SSH2: variants seen among roughly 807,000 people sequenced by gnomAD.
SSH2 encodes slingshot protein phosphatase 2, also known as protein phosphatase Slingshot homolog 2.
In SSH2, 37 loss-of-function variants were observed where a neutral mutation model predicts 135.2. The ratio of observed to expected loss-of-function variants is 0.27; its 90% CI spans 0.21 to 0.36. The LOEUF (loss-of-function observed/expected upper bound fraction) is 0.36, where lower values mean the gene tolerates loss of function less well. Among genes scored for constraint, SSH2 ranks in the 10% least tolerant of loss-of-function variants. The pLI, the probability that SSH2 is intolerant of heterozygous loss-of-function variation, is 1.00. For synonymous variants in SSH2, 628 were observed against 646.2 expected, an observed-to-expected ratio of 0.97 and a Z score of 0.43; for missense variants, 1,408 against 1,765.3, an observed-to-expected ratio of 0.80 and a Z score of 3.63.
chr17:29,887,408 A>G (rs145543039), intron 1 of SSH2, among the ~76,000 whole-genome samples: 1 of 152,340 alleles, frequency 6.6e-6, no homozygotes, highest in East Asian at 1.9e-4. Flanking sequence ...TCCTAGACCC[A>G]TCAAAAATGA....
intron 1 of SSH2, among the ~76,000 whole-genome samples, chr17:29,917,324 G>GT (rs954745552): frequency 2.1e-4 from 32 of 152,096 alleles, no homozygotes; most frequent in African/African-American, 7.7e-4. Context: ...TTCCAATTTA[G>GT]TTTTTTCCAA....
intron 1 of SSH2, among the ~76,000 whole-genome samples, chr17:29,886,834 G>A (rs1269778143): frequency 6.6e-6 from 1 of 151,926 alleles, no homozygotes; most frequent in African/African-American, 2.4e-5. Context: ...ATTCAAGCCT[G>A]CTGAAGAAGT....
intron 1 of SSH2, among the ~76,000 whole-genome samples, chr17:29,926,212 C>G (rs2067061632): frequency 6.6e-6 from 1 of 152,132 alleles, no homozygotes; most frequent in South Asian, 2.1e-4. Flanking sequence ...CTCTCTTTCT[C>G]AAAGCCCTCT....
At chr17:29,723,233 A>G (rs1046731648) in intron 3 of SSH2, among the ~76,000 whole-genome samples, 1 of 152,216 alleles carries the variant, frequency 6.6e-6, no homozygotes, top group African/African-American at 2.4e-5. Flanking sequence ...CCAATTCCAA[A>G]TAAAAAAAAG....
intron 9 of SSH2, among the ~76,000 whole-genome samples, chr17:29,671,362 A>C (rs910528926): frequency 3.9e-5 from 6 of 152,090 alleles, no homozygotes; most frequent in African/African-American, 9.7e-5. Flanking sequence ...ACATGCCTGT[A>C]GTCCCAGGTA....
chr17:29,764,514 T>C (rs1483590150), intron 3 of SSH2, among the ~76,000 whole-genome samples: 1 of 152,208 alleles, frequency 6.6e-6, no homozygotes, highest in Non-Finnish European at 1.5e-5. Flanking sequence ...TCAAATTAGA[T>C]TGAGCAGCAT....
intron 3 of SSH2, among the ~76,000 whole-genome samples, chr17:29,770,743 G>C (rs1292796068): frequency 6.6e-6 from 1 of 152,148 alleles, no homozygotes; most frequent in Non-Finnish European, 1.5e-5. Flanking sequence ...AAAGTGCTGG[G>C]ATGACAGGTG....
At chr17:29,813,732 C>A (rs1190922834) in intron 2 of SSH2, among the ~76,000 whole-genome samples, 2 of 150,196 alleles carry the variant, frequency 1.3e-5, no homozygotes, top group Non-Finnish European at 3.0e-5. Flanking sequence ...GCAGGAGAAT[C>A]GCTTGAACCC....
intron 2 of SSH2, among the ~76,000 whole-genome samples, chr17:29,796,787 T>A (rs2042163430): frequency 6.6e-6 from 1 of 152,096 alleles, no homozygotes; most frequent in Non-Finnish European, 1.5e-5. Flanking sequence ...AATTCAGTAT[T>A]TCTTTATAGT....
intron 3 of SSH2, among the ~76,000 whole-genome samples, chr17:29,706,719 C>T (rs905911762): frequency 1.3e-5 from 2 of 152,230 alleles, no homozygotes; most frequent in African/African-American, 2.4e-5. Context: ...CAGCTTTGGA[C>T]ACTGTGGGTT....
At chr17:29,829,326 T>C (rs1299641304) in intron 2 of SSH2, among the ~76,000 whole-genome samples, 2 of 152,172 alleles carry the variant, frequency 1.3e-5, no homozygotes, top group Non-Finnish European at 2.9e-5. Context: ...TTAACTAGGG[T>C]CATATACATT....
intron 3 of SSH2, among the ~76,000 whole-genome samples, chr17:29,753,860 AT>A (rs998105930): frequency 1.3e-5 from 2 of 152,024 alleles, no homozygotes; most frequent in African/African-American, 4.8e-5. Context: ...TATGTATCAA[AT>A]TTTTAACATA....
chr17:29,857,462 G>C (rs978779598), intron 1 of SSH2, among the ~76,000 whole-genome samples: 1 of 152,054 alleles, frequency 6.6e-6, no homozygotes, highest in Non-Finnish European at 1.5e-5. Flanking sequence ...GATGAGATTT[G>C]GGTGGGGACA....
intron 1 of SSH2, among the ~76,000 whole-genome samples, chr17:29,927,092 A>G (rs1349929243): frequency 6.6e-6 from 1 of 152,218 alleles, no homozygotes; most frequent in Non-Finnish European, 1.5e-5. Flanking sequence ...TGTAAAGTAA[A>G]TGAATTAATT....
chr17:29,647,396 C>T (rs983493430), intron 14 of SSH2, among the ~76,000 whole-genome samples: 3 of 151,274 alleles, frequency 2.0e-5, no homozygotes, highest in Admixed American at 6.6e-5. Context: ...AATGAATGGG[C>T]CAAAAAATTT....
intron 1 of SSH2, among the ~76,000 whole-genome samples, chr17:29,861,093 C>CT (rs2065757309): frequency 6.6e-6 from 1 of 151,708 alleles, no homozygotes. Context: ...TCTTGTATAT[C>CT]TGTTTAAGTT....
At chr17:29,736,916 G>A (rs1036058929) in intron 3 of SSH2, among the ~76,000 whole-genome samples, 7 of 149,904 alleles carry the variant, frequency 4.7e-5, no homozygotes, top group Non-Finnish European at 5.9e-5. Context: ...TGGCTAACAC[G>A]GTGAAACCCT....
At chr17:29,863,891 T>A (rs181814968) in intron 1 of SSH2, 1 of 152,316 alleles carries the variant, frequency 6.6e-6, no homozygotes, top group African/African-American at 2.4e-5. Context: ...GGATAAAATT[T>A]ATCACCCTTA....
chr17:29,861,190 T>C (rs1415451726), intron 1 of SSH2, among the ~76,000 whole-genome samples: 2 of 152,222 alleles, frequency 1.3e-5, no homozygotes, highest in African/African-American at 2.4e-5. Context: ...GTTCACTCTG[T>C]TGATAGTTTC....
Sources: gnomAD v4.1 joint callset for allele counts (sites outside exome capture counted in the v4.1 genomes callset) on GRCh38, gnomAD v4.1.1 for gene constraint, MANE v1.5 for transcripts, NCBI Gene and HGNC (gene_info 2026-07-23, HGNC 2026-07-21) for gene names.